ARHGAP15: variants seen among roughly 807,000 people sequenced by gnomAD.
ARHGAP15 encodes the protein rho GTPase-activating protein 15.
In ARHGAP15, 51 loss-of-function variants were observed where a neutral mutation model predicts 63.7. The ratio of observed to expected loss-of-function variants is 0.80; its 90% confidence interval spans 0.64 to 1.01. The LOEUF is 1.01. Ranked by LOEUF, ARHGAP15 falls within the 50% of genes least tolerant of loss-of-function variation. The probability of loss-of-function intolerance (pLI) is 0.00; values close to 1 mark genes in which losing one functional copy is unlikely to be tolerated. For missense variants in ARHGAP15, 560 were observed against 564.6 expected (o/e 0.99, Z 0.08); for synonymous variants, 191 against 193.8 (o/e 0.99, Z 0.12).
intron 12 of ARHGAP15, among the ~76,000 whole-genome samples, chr2:143,649,440 C>A (rs894054445): frequency 1.3e-5 from 2 of 151,964 alleles, no homozygotes; most frequent in African/African-American, 4.8e-5. Context: ...GTCAGCACTT[C>A]CATTATAAAC....
chr2:143,542,939 C>A (rs891045662), intron 10 of ARHGAP15, among the ~76,000 whole-genome samples: 1 of 148,416 alleles, frequency 6.7e-6, no homozygotes, highest in African/African-American at 2.5e-5. Context: ...TTTTATCATT[C>A]AACCATTGAT....
chr2:143,319,334 C>A (rs1683887099), intron 6 of ARHGAP15, among the ~76,000 whole-genome samples: 1 of 151,764 alleles, frequency 6.6e-6, no homozygotes, highest in Admixed American at 6.6e-5. Flanking sequence ...ATGCAATTCT[C>A]CCACCTCAGC....
At chr2:143,339,579 T>C (rs1353330116) in intron 6 of ARHGAP15, among the ~76,000 whole-genome samples, 2 of 152,132 alleles carry the variant, frequency 1.3e-5, no homozygotes, top group South Asian at 4.1e-4. Flanking sequence ...CTGGAATTAC[T>C]CTATTGGCAG....
intron 2 of ARHGAP15, among the ~76,000 whole-genome samples, chr2:143,192,746 A>G (rs908166980): frequency 1.3e-5 from 2 of 152,210 alleles, no homozygotes; most frequent in Non-Finnish European, 2.9e-5. Context: ...CTCATTGAAC[A>G]TATAAATTGT....
intron 6 of ARHGAP15, among the ~76,000 whole-genome samples, chr2:143,308,385 A>C (rs1020518161): frequency 6.6e-6 from 1 of 151,992 alleles, no homozygotes; most frequent in African/African-American, 2.4e-5. Context: ...AGCTCACTGG[A>C]TAATATTAGG....
intron 5 of ARHGAP15, among the ~76,000 whole-genome samples, chr2:143,248,025 C>G (rs1558839597): frequency 6.6e-6 from 1 of 152,044 alleles, no homozygotes; most frequent in African/African-American, 2.4e-5. Context: ...TTGGGAAAAA[C>G]AGTAGAGGAA....
At chr2:143,279,599 C>G (rs1681742843) in intron 6 of ARHGAP15, among the ~76,000 whole-genome samples, 1 of 152,040 alleles carries the variant, frequency 6.6e-6, no homozygotes, top group South Asian at 2.1e-4. Context: ...TTCTTTTGAG[C>G]TATACATTTT....
intron 13 of ARHGAP15, among the ~76,000 whole-genome samples, chr2:143,752,243 CTA>C (rs1686407069): frequency 6.6e-6 from 1 of 152,174 alleles, no homozygotes; most frequent in African/African-American, 2.4e-5. Flanking sequence ...ATGGACTCTC[CTA>C]TAGTCAACCC....
Position 143,150,270 on chromosome 2 carries a change from A to T in ARHGAP15, c.-14-5207A>T, listed in dbSNP as rs554663558. On this transcript the variant is annotated intron_variant, in intron 1 of 13. Coordinates refer to ENST00000295095, the MANE Select transcript of ARHGAP15 (RefSeq NM_018460.4). ...GTCAAAAATACACATTCTAACTCAAAAGGGCAGGCTGCTGAGCTTTAGTGT... is the reference window on the plus strand; with the variant it reads ...GTCAAAAATACACATTCTAACTCAATAGGGCAGGCTGCTGAGCTTTAGTGT... Among the ~76,000 whole-genome samples, 4 of 152,098 alleles carry T rather than the reference A, an allele frequency of 2.6e-5. No homozygotes were observed. The East Asian group carries it at 7.8e-4, about 30-fold the overall frequency.
intron 11 of ARHGAP15, among the ~76,000 whole-genome samples, chr2:143,561,325 A>G (rs1335390299): frequency 2.0e-5 from 3 of 152,154 alleles, no homozygotes; most frequent in Non-Finnish European, 4.4e-5. Flanking sequence ...TTTTTGGAAA[A>G]ATCTAGCTAT....
intron 5 of ARHGAP15, among the ~76,000 whole-genome samples, chr2:143,229,650 C>T (rs1480942574): frequency 1.3e-5 from 2 of 152,128 alleles, no homozygotes; most frequent in Non-Finnish European, 2.9e-5. Flanking sequence ...AAAGGGGTCG[C>T]CTGGCAGGAG....
intron 8 of ARHGAP15, among the ~76,000 whole-genome samples, chr2:143,471,246 A>G (rs950131473): frequency 6.7e-6 from 1 of 149,870 alleles, no homozygotes; most frequent in East Asian, 2.0e-4. Flanking sequence ...ATATGTGTAT[A>G]TATACACACA....
In ARHGAP15 at chr2:143,139,367, G is replaced by A. The variant is rs552070921; in HGVS notation, c.-15+9901G>A. Among the ~76,000 whole-genome samples the A allele has an allele frequency of 1.8e-4, 28 of 151,910 alleles. No individual in the cohort carries two copies. In the South Asian group the frequency reaches 4.6e-3, roughly 25 times the overall value. On this transcript the variant is annotated intron_variant, in intron 1 of 13. Transcript: ENST00000295095. ...AAGCAGCATTTATTCCTTTCTTTCC[G>A]TTTGCACGTATCATCATGGTCACTA...
chr2:143,511,902 A>G (rs1693609053), intron 9 of ARHGAP15, among the ~76,000 whole-genome samples: 1 of 152,150 alleles, frequency 6.6e-6, no homozygotes, highest in African/African-American at 2.4e-5. Flanking sequence ...GGACAGCACT[A>G]TTTACTTTGC....
intron 6 of ARHGAP15, among the ~76,000 whole-genome samples, chr2:143,387,421 T>TA (rs1437030060): frequency 2.0e-5 from 3 of 152,108 alleles, no homozygotes; most frequent in East Asian, 1.9e-4. Flanking sequence ...GTGAACTCTT[T>TA]AAAAAAATAA....
At chr2:143,660,379 T>C (rs1161515187) in intron 12 of ARHGAP15, among the ~76,000 whole-genome samples, 1 of 152,214 alleles carries the variant, frequency 6.6e-6, no homozygotes, top group Non-Finnish European at 1.5e-5. Flanking sequence ...TTCAAGCAGA[T>C]ACCAACGTTC....
chr2:143,670,336 G>T (rs1412702458), intron 12 of ARHGAP15, among the ~76,000 whole-genome samples: 2 of 152,116 alleles, frequency 1.3e-5, no homozygotes, highest in Non-Finnish European at 2.9e-5. Context: ...TGTAAAACAT[G>T]TATCTTATAT....
intron 6 of ARHGAP15, among the ~76,000 whole-genome samples, chr2:143,400,730 A>G (rs1188994536): frequency 6.6e-6 from 1 of 152,026 alleles, no homozygotes; most frequent in South Asian, 2.1e-4. Context: ...CTTCTTATTT[A>G]AATTTTATGC....
intron 12 of ARHGAP15, among the ~76,000 whole-genome samples, chr2:143,695,378 C>A (rs552774595): frequency 6.6e-6 from 1 of 152,218 alleles, no homozygotes; most frequent in African/African-American, 2.4e-5. Flanking sequence ...CTAGGAAGGA[C>A]AATAGGATCA....
Sources: allele counts gnomAD v4.1 joint callset (sites outside exome capture counted in the v4.1 genomes callset), GRCh38; gene constraint gnomAD v4.1.1; transcripts MANE v1.5; gene names NCBI Gene and HGNC (gene_info 2026-07-23, HGNC 2026-07-21).